Variants in PIK3CB observed in about 807,000 individuals in gnomAD.
PIK3CB encodes the protein phosphatidylinositol 4,5-bisphosphate 3-kinase catalytic subunit beta isoform.
Under a neutral mutation model 136.8 loss-of-function variants are expected in PIK3CB, and 39 were observed. The observed-to-expected ratio is 0.29, with a 90% CI of 0.22 to 0.37. The LOEUF is 0.37. Ranked by LOEUF, PIK3CB falls within the 10% of genes least tolerant of loss-of-function variation. PIK3CB has a pLI of 1.00. For synonymous variants in PIK3CB, 428 were observed against 436.6 expected (o/e 0.98, Z 0.25); for missense variants, 868 against 1,275.4 (o/e 0.68, Z 4.87).
At chr3:138,791,790 CA>C (rs2046053774) in intron 2 of PIK3CB, among the ~76,000 whole-genome samples, 1 of 152,182 alleles carries the variant, frequency 6.6e-6, no homozygotes, top group Non-Finnish European at 1.5e-5. Flanking sequence ...TTGGAGCTGC[CA>C]ACTCAAATGT....
At chr3:138,690,943 C>T in intron 15 of PIK3CB, 57 bp downstream of exon 15, 1 of 1,332,072 alleles carries the variant, frequency 7.5e-7, no homozygotes, top group Admixed American at 2.2e-5. Context: ...ATATATTATG[C>T]TTGTTTATAG....
At chr3:138,721,324 G>A (rs2044722787) in intron 8 of PIK3CB, among the ~76,000 whole-genome samples, 2 of 152,002 alleles carry the variant, frequency 1.3e-5, no homozygotes, top group Admixed American at 1.3e-4. Flanking sequence ...CACCACACCT[G>A]GCTAATTTTT....
intron 1 of PIK3CB, among the ~76,000 whole-genome samples, chr3:138,815,439 AAAG>A (rs1933284623): frequency 6.7e-6 from 1 of 149,568 alleles, no homozygotes; most frequent in Non-Finnish European, 1.5e-5. Flanking sequence ...AGAAAAAAAA[AAAG>A]AAGAAAGAGA....
chr3:138,821,361 T>C (rs1933556789), intron 1 of PIK3CB, among the ~76,000 whole-genome samples: 2 of 151,882 alleles, frequency 1.3e-5, no homozygotes, highest in East Asian at 1.9e-4. Flanking sequence ...TCCCAGCACT[T>C]TGGGAGGCTG....
intron 14 of PIK3CB, among the ~76,000 whole-genome samples, chr3:138,693,321 C>T (rs112927851): frequency 6.6e-6 from 1 of 152,042 alleles, no homozygotes; most frequent in African/African-American, 2.4e-5. Context: ...GTCTCAAACT[C>T]CTGGGCTCAT....
chr3:138,824,235 G>A (rs1041559444), intron 1 of PIK3CB, among the ~76,000 whole-genome samples: 10 of 152,236 alleles, frequency 6.6e-5, no homozygotes, highest in Non-Finnish European at 8.8e-5. Context: ...AATCAGGATC[G>A]CATTTCCCTT....
At chr3:138,828,954 ATTTTTTTT>A (rs34176247) in intron 1 of PIK3CB, among the ~76,000 whole-genome samples, 1 of 130,848 alleles carries the variant, frequency 7.6e-6, no homozygotes, top group Non-Finnish European at 1.6e-5. Flanking sequence ...CACCAGGCTA[ATTTTTTTT>A]TTTTTTTTTT....
At chr3:138,784,388 C>A (rs1460731463) in intron 2 of PIK3CB, among the ~76,000 whole-genome samples, 17 of 151,798 alleles carry the variant, frequency 1.1e-4, no homozygotes, top group Non-Finnish European at 1.9e-4. Context: ...TATCAAAAAA[C>A]AAAAAAAGGC....
intron 13 of PIK3CB, among the ~76,000 whole-genome samples, chr3:138,698,549 C>T (rs1294369718): frequency 6.6e-6 from 1 of 152,202 alleles, no homozygotes; most frequent in African/African-American, 2.4e-5. Context: ...AATGGACATT[C>T]ATTCTAGAAC....
chr3:138,690,140 T>C (rs939510857), intron 15 of PIK3CB, among the ~76,000 whole-genome samples: 1 of 151,540 alleles, frequency 6.6e-6, no homozygotes, highest in African/African-American at 2.4e-5. Context: ...GAAAAAAATA[T>C]ATGAATAAGA....
chr3:138,816,908 G>C (rs1278254465), intron 1 of PIK3CB, among the ~76,000 whole-genome samples: 2 of 151,944 alleles, frequency 1.3e-5, no homozygotes, highest in Non-Finnish European at 2.9e-5. Flanking sequence ...CAACTTAAAA[G>C]TATAGTAATT....
chr3:138,826,451 A>C, intron 1 of PIK3CB: 1 of 724,326 alleles, frequency 1.4e-6, no homozygotes, highest in Non-Finnish European at 2.2e-6. Flanking sequence ...ATAACAATGC[A>C]CTGTAAACCC....
rs1416291835 is a variant in PIK3CB at position 138,705,165 on chromosome 3, AAAAAAAAACAAAAAACAAAACAAAC to A, written c.1531-697_1531-673del. 4.5e-3 allele frequency among the ~76,000 whole-genome samples: 440 copies of A among 97,750 alleles called. 57 individuals carry two copies. Among genetic ancestry groups the A allele is most frequent in the African/African-American group, 0.015 (377 of 25,376 alleles). 64.1% of individuals were successfully genotyped at this position (97,750 alleles called of 152,430 possible). Reference sequence around the variant, plus strand: ...AAGAGATTAGAAAGGCAAAAAAAAAAAAAAAAAACAAAAAACAAAACAAACAAAAAAAAAAACTTATATTTGCAAA... The same window carrying A: ...AAGAGATTAGAAAGGCAAAAAAAAAAAAAAAAAAAAACTTATATTTGCAAA... On this transcript the variant is annotated intron_variant, in intron 11 of 23. Coordinates refer to ENST00000674063, the MANE Select transcript of PIK3CB (RefSeq NM_006219.3).
intron 10 of PIK3CB, among the ~76,000 whole-genome samples, chr3:138,709,295 A>T (rs1021197003): frequency 7.0e-6 from 1 of 142,254 alleles, no homozygotes; most frequent in Non-Finnish European, 1.5e-5. Context: ...AATTCTGCTT[A>T]AAAAAAAAAA....
chr3:138,729,903 A>G (rs1321599981), intron 8 of PIK3CB, among the ~76,000 whole-genome samples: 1 of 152,100 alleles, frequency 6.6e-6, no homozygotes, highest in Non-Finnish European at 1.5e-5. Flanking sequence ...ATTTACCCTT[A>G]TCACTTCTAT....
At chr3:138,690,113 A>C (rs2043975544) in intron 15 of PIK3CB, among the ~76,000 whole-genome samples, 4 of 152,094 alleles carry the variant, frequency 2.6e-5, no homozygotes, top group Admixed American at 2.6e-4. Context: ...CAACACAAGA[A>C]AGTAAAAAAA....
intron 12 of PIK3CB, among the ~76,000 whole-genome samples, chr3:138,702,403 T>G (rs2044274316): frequency 6.6e-6 from 1 of 152,098 alleles, no homozygotes; most frequent in Non-Finnish European, 1.5e-5. Context: ...ACTTTGTGCC[T>G]AATAAAAAAC....
At chr3:138,807,419 G>A (rs1034660697) in intron 1 of PIK3CB, among the ~76,000 whole-genome samples, 1 of 152,108 alleles carries the variant, frequency 6.6e-6, no homozygotes, top group Non-Finnish European at 1.5e-5. Context: ...GGGCAACAGA[G>A]TGAAACTGTC....
chr3:138,811,240 CAAAAAAAA>C (rs558228212), intron 1 of PIK3CB, among the ~76,000 whole-genome samples: 3 of 23,426 alleles, frequency 1.3e-4, no homozygotes, highest in African/African-American at 1.6e-4. Flanking sequence ...AAGACTCTGC[CAAAAAAAA>C]AAAAAAAAAA....
Sources: allele counts gnomAD v4.1 joint callset (sites outside exome capture counted in the v4.1 genomes callset), GRCh38; gene constraint gnomAD v4.1.1; transcripts MANE v1.5; gene names NCBI Gene and HGNC (gene_info 2026-07-23, HGNC 2026-07-21).